MEIOB: variants seen among roughly 807,000 people sequenced by gnomAD.
MEIOB encodes the protein meiosis-specific with OB domain-containing protein.
A neutral mutation model predicts 53.1 loss-of-function variants in MEIOB; 50 were observed. The observed-to-expected ratio is 0.94, with a 90% CI of 0.75 to 1.19. The LOEUF is 1.19. Ranked by LOEUF, MEIOB falls within the 50% of genes most tolerant of loss-of-function variation. The pLI, the probability that MEIOB is intolerant of heterozygous loss-of-function variation, is 0.00. For synonymous variants in MEIOB, 192 were observed against 182.5 expected (o/e 1.05, Z -0.42); for missense variants, 551 against 550.8 (o/e 1.00, Z 0.00).
chr16:1,841,536 A>G (rs1476147486), intron 11 of MEIOB, among the ~76,000 whole-genome samples: 6 of 152,162 alleles, frequency 3.9e-5, no homozygotes, highest in Non-Finnish European at 8.8e-5. Context: ...TAGCAACCAA[A>G]ATAGCTTTCT....
chr16:1,834,574 T>C (rs112486755), intron 13 of MEIOB, among the ~76,000 whole-genome samples: 11 of 152,330 alleles, frequency 7.2e-5, no homozygotes, highest in African/African-American at 2.6e-4. Flanking sequence ...TTCTGACTGA[T>C]TTTGTAAAAA....
chr16:1,837,461 C>T (rs1898781214), intron 13 of MEIOB, among the ~76,000 whole-genome samples: 1 of 152,146 alleles, frequency 6.6e-6, no homozygotes, highest in Non-Finnish European at 1.5e-5. Context: ...CCACCTCAGC[C>T]TACCAAGTAG....
Position 1,857,823 on chromosome 16 carries a change from G to A in MEIOB, c.440C>T (p.Ser147Phe). The A allele has an allele frequency of 6.4e-7, 1 of 1,551,334 alleles. No homozygotes were observed. The highest frequency in any genetic ancestry group is 8.7e-7 in the Non-Finnish European group (1 of 1,146,430). ...LSLIHLPVKE[S>F]HDYYSLGDIV... ...GTCACCCAGTGAATAATAATCATGA[G>A]ACTCTTTAACAGGTAAATGTATCAA... The change falls in exon 6 of 14, where the codon TCT becomes TTT. Residue 147 changes from serine to phenylalanine, a missense_variant. Transcript: ENST00000325962.
intron 1 of MEIOB, among the ~76,000 whole-genome samples, chr16:1,869,059 G>A (rs1336499899): frequency 6.6e-6 from 1 of 152,008 alleles, no homozygotes; most frequent in Admixed American, 6.6e-5. Flanking sequence ...CTAAAACCAT[G>A]TAAAATTTAG....
chr16:1,839,575 A>G (rs1041920436), intron 11 of MEIOB, 137 bp from the exon 12 acceptor site: 1 of 724,286 alleles, frequency 1.4e-6, no homozygotes, highest in African/African-American at 1.8e-5. Flanking sequence ...TATGCGGTCT[A>G]CAAGACAGTC....
intron 1 of MEIOB, among the ~76,000 whole-genome samples, chr16:1,871,485 C>G (rs1899745436): frequency 7.7e-6 from 1 of 129,300 alleles, no homozygotes; most frequent in Non-Finnish European, 1.6e-5. Context: ...TCCCAAAGTG[C>G]TGGGATTACA....
At chr16:1,847,450 A>G (rs1899053794) in intron 9 of MEIOB, among the ~76,000 whole-genome samples, 3 of 152,042 alleles carry the variant, frequency 2.0e-5, no homozygotes, top group Non-Finnish European at 4.4e-5. Flanking sequence ...TGACACAGCA[A>G]GACTCCATCT....
intron 4 of MEIOB, 94 bp from the exon 5 acceptor site, chr16:1,860,569 A>C: frequency 3.6e-5 from 26 of 720,744 alleles, no homozygotes; most frequent in East Asian, 5.6e-5. Context: ...TATGATCATC[A>C]TCGACTCTAG....
chr16:1,849,540 C>A (rs55915731), intron 9 of MEIOB, among the ~76,000 whole-genome samples: 2 of 23,414 alleles, frequency 8.5e-5, no homozygotes. Context: ...AGTGAGACTC[C>A]GTCTCAAAAA....
rs763671097 is a variant in MEIOB at position 1,857,858 on chromosome 16, C to T, written c.405G>A (p.Lys135=). 9.7e-6 allele frequency: 15 copies of T among 1,551,252 alleles called. No homozygotes were observed. Among genetic ancestry groups the T allele is most frequent in the Non-Finnish European group, 1.3e-5 (15 of 1,146,710 alleles). ...KVCSSYEVDT[K]LLSLIHLPVK... is the part of the protein sequence containing the mutation. ...CAGGTAAATGTATCAAAGAAAGTAACTTTGTGTCCACTTCATAACTGGAAC... is the reference window on the plus strand; with the variant it reads ...CAGGTAAATGTATCAAAGAAAGTAATTTTGTGTCCACTTCATAACTGGAAC... The change falls in exon 6 of 14, where the codon AAG becomes AAA. Residue 135 remains lysine (K), a synonymous_variant. Coordinates refer to ENST00000325962, the MANE Select transcript of MEIOB (RefSeq NM_001163560.3).
intron 5 of MEIOB, 81 bp downstream of exon 5, chr16:1,860,322 T>C (rs1200715194): frequency 4.1e-6 from 3 of 734,936 alleles, no homozygotes; most frequent in Non-Finnish European, 4.4e-6. Context: ...AGAACACTTT[T>C]AGTAAGATCT....
At chr16:1,846,361 C>T (rs148491415) in intron 9 of MEIOB, among the ~76,000 whole-genome samples, 4 of 152,206 alleles carry the variant, frequency 2.6e-5, no homozygotes, top group African/African-American at 9.6e-5. Flanking sequence ...CAGAGAAAGG[C>T]AGGAATTGTG....
chr16:1,843,311 A>AT (rs1476110860), intron 10 of MEIOB: 3 of 151,438 alleles, frequency 2.0e-5, no homozygotes, highest in Non-Finnish European at 4.4e-5. Flanking sequence ...AAATAAAAAA[A>AT]AATAATAAAT....
In MEIOB at chr16:1,841,854, C is replaced by A; in HGVS notation, c.1000G>T (p.Asp334Tyr). 6.3e-7 allele frequency: 1 copy of A among 1,596,766 alleles called. No homozygotes were observed. The highest frequency in any genetic ancestry group is 8.5e-7 in the Non-Finnish European group (1 of 1,173,082). The change falls in exon 11 of 14, where the codon GAT becomes TAT. Residue 334 changes from aspartate to tyrosine, a missense_variant. Physicochemically the swap from Asp to Tyr is radical, Grantham distance 160. Transcript: ENST00000325962. ...LYAYISTLNI[D>Y]DETTKVVRNR... ...CGAACTACTTTTGTAGTTTCATCAT[C>A]AATGTTGAGTGTGGAAATGTAGGCA...
intron 2 of MEIOB, among the ~76,000 whole-genome samples, chr16:1,867,737 G>T (rs1047641132): frequency 1.3e-5 from 2 of 152,004 alleles, no homozygotes; most frequent in Non-Finnish European, 2.9e-5. Context: ...CTCCCAAAGT[G>T]CTGGGATTAC....
intron 3 of MEIOB, among the ~76,000 whole-genome samples, chr16:1,862,360 T>C (rs1899468921): frequency 6.6e-6 from 1 of 152,186 alleles, no homozygotes; most frequent in African/African-American, 2.4e-5. Flanking sequence ...GTTGCCCCCT[T>C]GCTCCCTTCC....
chr16:1,836,361 T>A (rs1435088556), intron 13 of MEIOB, among the ~76,000 whole-genome samples: 1 of 152,226 alleles, frequency 6.6e-6, no homozygotes, highest in Non-Finnish European at 1.5e-5. Flanking sequence ...TTGTTGTATT[T>A]GAATCAAATT....
intron 11 of MEIOB, 54 bp from the exon 12 acceptor site, chr16:1,839,492 A>G: frequency 2.0e-6 from 3 of 1,479,764 alleles, no homozygotes; most frequent in Non-Finnish European, 2.7e-6. Flanking sequence ...TACAAATTTC[A>G]TCTGTAGCAG....
intron 9 of MEIOB, 39 bp from the exon 10 acceptor site, chr16:1,845,002 AT>A: frequency 1.1e-6 from 1 of 897,180 alleles, no homozygotes; most frequent in Non-Finnish European, 1.8e-6. Context: ...AAGCAAACTG[AT>A]TATCATTTAA....
Sources: gnomAD v4.1 joint callset for allele counts (sites outside exome capture counted in the v4.1 genomes callset) on GRCh38, gnomAD v4.1.1 for gene constraint, MANE v1.5 for transcripts, NCBI Gene and HGNC (gene_info 2026-07-23, HGNC 2026-07-21) for gene names.